The following DDHD1 variants were observed in gnomAD, a reference collection of about 807,000 sequenced individuals.
DDHD1 encodes the protein DDHD domain containing 1, also known as phospholipase DDHD1.
DDHD1 carries 49 observed loss-of-function variants against 96.4 expected under a neutral mutation model. That is an observed-to-expected ratio of 0.51 (90% CI 0.40 to 0.64). The LOEUF is 0.64. DDHD1 is among the 30% of genes least tolerant of loss of function. The pLI, the probability that DDHD1 is intolerant of heterozygous loss-of-function variation, is 0.00. For missense variants in DDHD1, 1,106 were observed against 1,161.2 expected, an observed-to-expected ratio of 0.95 and a Z score of 0.69; for synonymous variants, 442 against 446.5, an observed-to-expected ratio of 0.99 and a Z score of 0.13.
Position 53,044,522 on chromosome 14 carries a change from T to C in DDHD1, c.*2246A>G, listed in dbSNP as rs1455861073. On this transcript the variant is annotated 3_prime_UTR_variant, in exon 13 of 13. Transcript: ENST00000673822. The stretch of plus-strand genomic sequence containing the variant: ...CCACCTACAGCAACATACGCTCAAG[T>C]ACCTTTAACGATACAGTCATATAGC... The C allele has an allele frequency of 6.6e-6, 1 of 152,212 alleles. No individual in the cohort carries two copies. The highest frequency in any genetic ancestry group is 1.5e-5 in the Non-Finnish European group (1 of 68,022). 9.4% of individuals were successfully genotyped at this position (152,212 alleles called of 1,614,324 possible).
intron 4 of DDHD1, among the ~76,000 whole-genome samples, chr14:53,083,039 G>A (rs575162835): frequency 3.0e-4 from 45 of 152,226 alleles, no homozygotes; most frequent in African/African-American, 9.6e-4. Flanking sequence ...GACGGGGAGA[G>A]AAATGAGAAT....
intron 4 of DDHD1, among the ~76,000 whole-genome samples, chr14:53,076,408 C>T (rs1051208429): frequency 2.0e-5 from 3 of 152,094 alleles, no homozygotes; most frequent in Non-Finnish European, 4.4e-5. Flanking sequence ...TGAATTGCTG[C>T]AATTTCATGA....
chr14:53,063,409 C>T lies in DDHD1; in HGVS notation c.1504-204G>A, dbSNP rs73294019. ...TTATAATCCATATCATCACTAAGAACATAGGCAGATACTACCTACATAGAT... is the reference window on the plus strand; with the variant it reads ...TTATAATCCATATCATCACTAAGAATATAGGCAGATACTACCTACATAGAT... On this transcript the variant is annotated intron_variant, in intron 6 of 12. Transcript: ENST00000673822. Among the ~76,000 whole-genome samples, 5,126 of 151,684 alleles carry T rather than the reference C, an allele frequency of 0.034. 299 individuals carry two copies. The highest frequency in any genetic ancestry group is 0.12 in the African/African-American group (4,759 of 41,322).
At chr14:53,147,571 A>G (rs1891084525) in intron 1 of DDHD1, among the ~76,000 whole-genome samples, 1 of 152,178 alleles carries the variant, frequency 6.6e-6, no homozygotes, top group South Asian at 2.1e-4. Flanking sequence ...CCATCCATAC[A>G]TGTCACTATC....
chr14:53,129,220 GC>G (rs1286117860), intron 1 of DDHD1, among the ~76,000 whole-genome samples: 4 of 152,200 alleles, frequency 2.6e-5, no homozygotes, highest in African/African-American at 9.6e-5. Context: ...TGGGAGACCA[GC>G]CCCCTGTCCT....
intron 1 of DDHD1, among the ~76,000 whole-genome samples, chr14:53,144,046 C>T (rs902134478): frequency 2.0e-5 from 3 of 152,144 alleles, no homozygotes; most frequent in Non-Finnish European, 4.4e-5. Context: ...ACCCAGTATT[C>T]CAAGATTAGG....
chr14:53,086,660 A>G (rs963556547), intron 4 of DDHD1, among the ~76,000 whole-genome samples: 9 of 152,152 alleles, frequency 5.9e-5, no homozygotes, highest in African/African-American at 1.9e-4. Context: ...AGCACTAAAC[A>G]TGGAAAGGAA....
chr14:53,101,421 C>T (rs578106939), intron 2 of DDHD1, among the ~76,000 whole-genome samples: 35 of 152,038 alleles, frequency 2.3e-4, no homozygotes, highest in African/African-American at 8.4e-4. Flanking sequence ...CACATCTTTG[C>T]TAATAACAGA....
chr14:53,083,134 T>C (rs1302857788), intron 4 of DDHD1, among the ~76,000 whole-genome samples: 1 of 138,678 alleles, frequency 7.2e-6, no homozygotes, highest in Non-Finnish European at 1.6e-5. Flanking sequence ...GTTGATATTC[T>C]TGTCACTATT....
intron 2 of DDHD1, among the ~76,000 whole-genome samples, chr14:53,096,853 C>G (rs921884404): frequency 6.6e-6 from 1 of 151,874 alleles, no homozygotes; most frequent in African/African-American, 2.4e-5. Context: ...TTTGAAAAGA[C>G]TGTAATAAAA....
intron 2 of DDHD1, chr14:53,103,129 T>G (rs1887434716): frequency 1.9e-5 from 28 of 1,439,490 alleles, no homozygotes; most frequent in Non-Finnish European, 2.4e-5. Flanking sequence ...AGACACACAA[T>G]GAAAATGTGG....
At chr14:53,138,067 A>C (rs1890365170) in intron 1 of DDHD1, among the ~76,000 whole-genome samples, 1 of 152,268 alleles carries the variant, frequency 6.6e-6, no homozygotes, top group Admixed American at 6.5e-5. Flanking sequence ...TTATCTTTCA[A>C]AACTAAGAGA....
intron 1 of DDHD1, among the ~76,000 whole-genome samples, chr14:53,141,097 T>C (rs968415521): frequency 2.0e-5 from 3 of 152,236 alleles, no homozygotes; most frequent in Admixed American, 6.5e-5. Context: ...TTATCCAGGC[T>C]AACTATATCC....
At chr14:53,149,995 C>T (rs1891236450) in intron 1 of DDHD1, 1 of 152,220 alleles carries the variant, frequency 6.6e-6, no homozygotes, top group South Asian at 2.1e-4. Context: ...TGTCTCTTTT[C>T]CAGCTATTGT....
chr14:53,139,321 T>G (rs1191832695), intron 1 of DDHD1, among the ~76,000 whole-genome samples: 5 of 152,136 alleles, frequency 3.3e-5, no homozygotes, highest in Admixed American at 2.6e-4. Flanking sequence ...GGAGTAAGTT[T>G]CATCTATTTC....
chr14:53,146,828 T>TA (rs531093835), intron 1 of DDHD1, among the ~76,000 whole-genome samples: 50 of 152,052 alleles, frequency 3.3e-4, no homozygotes, highest in African/African-American at 1.2e-3. Flanking sequence ...ACAGTAACTA[T>TA]AAAAAAATTT....
chr14:53,107,022 A>G (rs1193205634), intron 1 of DDHD1, among the ~76,000 whole-genome samples: 1 of 151,992 alleles, frequency 6.6e-6, no homozygotes, highest in Non-Finnish European at 1.5e-5. Flanking sequence ...CTCTTATTAG[A>G]TTTTTATTTG....
At chr14:53,054,311 T>C in intron 11 of DDHD1, 127 bp downstream of exon 11, 1 of 803,034 alleles carries the variant, frequency 1.2e-6, no homozygotes, top group Non-Finnish European at 1.8e-6. Flanking sequence ...CATTTTTTTC[T>C]TTCAAAGTTA....
At chr14:53,047,743 G>C (rs1190092818) in intron 12 of DDHD1, among the ~76,000 whole-genome samples, 1 of 152,192 alleles carries the variant, frequency 6.6e-6, no homozygotes, top group Non-Finnish European at 1.5e-5. Context: ...TTACCTGTTA[G>C]AGAAAAATCA....
Sources: allele counts gnomAD v4.1 joint callset (sites outside exome capture counted in the v4.1 genomes callset), GRCh38; gene constraint gnomAD v4.1.1; transcripts MANE v1.5; gene names NCBI Gene and HGNC (gene_info 2026-07-23, HGNC 2026-07-21).